STRN3: variants seen among roughly 807,000 people sequenced by gnomAD.
STRN3 encodes the protein striatin-3.
In STRN3, 29 loss-of-function variants were observed where a neutral mutation model predicts 95.6. The observed-to-expected ratio is 0.30, with a 90% CI of 0.23 to 0.41. The LOEUF (loss-of-function observed/expected upper bound fraction) is 0.41. Ranked by LOEUF, STRN3 falls within the 10% of genes least tolerant of loss-of-function variation. STRN3 has a pLI of 1.00. For missense variants in STRN3, 890 were observed against 972.1 expected, an observed-to-expected ratio of 0.92 and a Z score of 1.12; for synonymous variants, 331 against 357.6, an observed-to-expected ratio of 0.93 and a Z score of 0.84.
chr14:30,976,667 G>A (rs1183034556), intron 1 of STRN3, among the ~76,000 whole-genome samples: 1 of 152,212 alleles, frequency 6.6e-6, no homozygotes, highest in African/African-American at 2.4e-5. Flanking sequence ...TTCATACAGT[G>A]TACTATCAGA....
intron 1 of STRN3, among the ~76,000 whole-genome samples, chr14:30,982,619 T>C (rs1881468712): frequency 6.6e-6 from 1 of 152,244 alleles, no homozygotes; most frequent in African/African-American, 2.4e-5. Flanking sequence ...CAATAGATAA[T>C]TTTTAACTGG....
intron 1 of STRN3, among the ~76,000 whole-genome samples, chr14:30,978,642 T>C (rs1046510977): frequency 5.9e-5 from 9 of 152,160 alleles, no homozygotes; most frequent in African/African-American, 2.2e-4. Flanking sequence ...AGAAGAGGTA[T>C]ACAGATTGAG....
chr14:30,907,602 T>G (rs1281635157), intron 13 of STRN3, among the ~76,000 whole-genome samples: 1 of 151,992 alleles, frequency 6.6e-6, no homozygotes, highest in Non-Finnish European at 1.5e-5. Flanking sequence ...TGTTTTCTTT[T>G]TTTCTTTTTG....
chr14:30,911,712 G>C (rs1242597552), intron 12 of STRN3, 65 bp downstream of exon 12: 2 of 1,412,448 alleles, frequency 1.4e-6, no homozygotes, highest in East Asian at 4.6e-5. Flanking sequence ...CAAGGTTTGA[G>C]GACCGATAAA....
intron 1 of STRN3, among the ~76,000 whole-genome samples, chr14:31,023,294 C>G (rs1883592613): frequency 6.6e-6 from 1 of 152,084 alleles, no homozygotes; most frequent in Non-Finnish European, 1.5e-5. Context: ...TGTCCTATGA[C>G]CTTACTAACA....
At chr14:30,952,395 C>G (rs1023106466) in intron 3 of STRN3, among the ~76,000 whole-genome samples, 7 of 152,140 alleles carry the variant, frequency 4.6e-5, no homozygotes, top group African/African-American at 1.7e-4. Flanking sequence ...CTAATCCTAA[C>G]AGTCCAATTA....
intron 8 of STRN3, among the ~76,000 whole-genome samples, chr14:30,925,964 T>C (rs540284033): frequency 1.3e-5 from 2 of 152,200 alleles, no homozygotes; most frequent in African/African-American, 4.8e-5. Flanking sequence ...TAAAATTATA[T>C]CTTAGTATTA....
intron 1 of STRN3, chr14:31,018,708 C>A: frequency 2.2e-6 from 1 of 453,086 alleles, no homozygotes; most frequent in South Asian, 1.7e-5. Flanking sequence ...GATAAACTTG[C>A]AAAAAAAGCG....
chr14:30,981,225 G>C (rs900559573), intron 1 of STRN3, among the ~76,000 whole-genome samples: 8 of 151,354 alleles, frequency 5.3e-5, no homozygotes, highest in South Asian at 2.1e-4. Flanking sequence ...TGAGGTGGGA[G>C]GACCACTGGA....
chr14:30,952,922 T>C (rs1167455375), intron 3 of STRN3, among the ~76,000 whole-genome samples: 1 of 152,168 alleles, frequency 6.6e-6, no homozygotes, highest in East Asian at 1.9e-4. Context: ...GGTAGTACTT[T>C]AGTGTTTATC....
chr14:31,006,269 T>C (rs1882709155), intron 1 of STRN3, among the ~76,000 whole-genome samples: 1 of 151,722 alleles, frequency 6.6e-6, no homozygotes, highest in South Asian at 2.1e-4. Context: ...TTAAAAGAAA[T>C]CTAGGCTGGG....
intron 16 of STRN3, among the ~76,000 whole-genome samples, chr14:30,899,459 G>T (rs549423694): frequency 6.6e-6 from 1 of 152,230 alleles, no homozygotes; most frequent in African/African-American, 2.4e-5. Flanking sequence ...AAGCCCTGTT[G>T]TTCAAATATT....
intron 3 of STRN3, among the ~76,000 whole-genome samples, chr14:30,954,461 T>C (rs1306233136): frequency 6.6e-6 from 1 of 152,174 alleles, no homozygotes; most frequent in Non-Finnish European, 1.5e-5. Context: ...ATTATCTCCA[T>C]ATATACTCTG....
chr14:30,911,764 CA>C lies in STRN3; in HGVS notation c.1598+12del. ...TGATGATGTTAATTAAATACCAATT[CA>C]GTAAAACTTACATGTGGGCCCTAAA... is the stretch of plus-strand genomic sequence containing the variant. On this transcript the variant is annotated intron_variant, in intron 12 of 17. Coordinates refer to ENST00000357479, the MANE Select transcript of STRN3 (RefSeq NM_001083893.2). The C allele has an allele frequency of 1.3e-6, 2 of 1,598,106 alleles. No individual in the cohort carries two copies. The highest frequency in any genetic ancestry group is 1.7e-6 in the Non-Finnish European group (2 of 1,172,288).
chr14:30,938,635 C>T lies in STRN3; in HGVS notation c.717-2011G>A, dbSNP rs138063560. Among the ~76,000 whole-genome samples, 1,344 of 151,976 alleles carry T rather than the reference C, an allele frequency of 8.8e-3. 18 individuals carry two copies. The highest frequency in any genetic ancestry group is 0.031 in the African/African-American group (1,294 of 41,474). On this transcript the variant is annotated intron_variant, in intron 5 of 17. Transcript: ENST00000357479. ...AAGAAAGAATTGGTCAATCAGATTT[C>T]ACCAAAATTAACATTCGCTCTTTGA...
chr14:30,901,054 A>G (rs1312306638), intron 16 of STRN3, among the ~76,000 whole-genome samples: 1 of 152,200 alleles, frequency 6.6e-6, no homozygotes, highest in Non-Finnish European at 1.5e-5. Context: ...TTTTAGAAAC[A>G]CAAAGGAAAT....
chr14:30,999,238 G>C (rs557311569), intron 1 of STRN3, among the ~76,000 whole-genome samples: 17 of 152,152 alleles, frequency 1.1e-4, no homozygotes, highest in Admixed American at 2.6e-4. Flanking sequence ...TGGAGATGGG[G>C]GGTCTCACTA....
At chr14:30,970,420 T>G (rs1880768822) in intron 1 of STRN3, among the ~76,000 whole-genome samples, 1 of 152,214 alleles carries the variant, frequency 6.6e-6, no homozygotes, top group Non-Finnish European at 1.5e-5. Context: ...TGTAATTTCC[T>G]AAAACCATAC....
chr14:30,924,924 C>A (rs997876917), intron 8 of STRN3, among the ~76,000 whole-genome samples: 3 of 152,030 alleles, frequency 2.0e-5, no homozygotes, highest in African/African-American at 7.2e-5. Flanking sequence ...TGGTGGGTAA[C>A]CTGGGTGAAA....
Sources: allele counts gnomAD v4.1 joint callset (sites outside exome capture counted in the v4.1 genomes callset), GRCh38; gene constraint gnomAD v4.1.1; transcripts MANE v1.5; gene names NCBI Gene and HGNC (gene_info 2026-07-23, HGNC 2026-07-21).